Variants in TDRD12 observed in about 807,000 individuals in gnomAD.
TDRD12 encodes the protein putative ATP-dependent RNA helicase TDRD12.
A neutral mutation model predicts 133.5 loss-of-function variants in TDRD12; 158 were observed. That is an observed-to-expected ratio of 1.18 (90% confidence interval 1.04 to 1.35). The LOEUF is 1.35. Ranked by LOEUF, TDRD12 falls within the 40% of genes most tolerant of loss-of-function variation. TDRD12 has a pLI of 0.00. For missense variants in TDRD12, 1,443 were observed against 1,321.3 expected (o/e 1.09, Z -1.43); for synonymous variants, 460 against 477.9 (o/e 0.96, Z 0.49).
Position 32,777,238 on chromosome 19 carries a change from T to A in TDRD12, c.1121+9T>A. On this transcript the variant is annotated intron_variant, in intron 11 of 27. Coordinates refer to ENST00000444215, the Ensembl canonical transcript of TDRD12. ...AAGAATAGCTGTGTGAAGTAAGAAT[T>A]TTTTCCTTGGCCTGAATTGTGTATT... 6.7e-7 allele frequency: 1 copy of A among 1,491,312 alleles called. No individual in the cohort carries two copies. The allele number at this position is 1,491,312 out of a possible 1,614,324, so 92.4% of individuals were successfully genotyped here. A position where few individuals can be genotyped will look rare whatever the true frequency, so the allele number is the denominator to read the frequency against.
chr19:32,746,748 G>C (rs1301155442), intron 4 of TDRD12, among the ~76,000 whole-genome samples: 8 of 146,230 alleles, frequency 5.5e-5, no homozygotes, highest in East Asian at 2.1e-4. Flanking sequence ...CTGTGTGTGA[G>C]AGAGACGGGG....
intron 11 of TDRD12, among the ~76,000 whole-genome samples, chr19:32,788,079 C>T (rs563543096): frequency 6.6e-6 from 1 of 151,868 alleles, no homozygotes; most frequent in South Asian, 2.1e-4. Context: ...AAAGTGCCTG[C>T]TCTTTTTTTA....
intron 1 of TDRD12, among the ~76,000 whole-genome samples, chr19:32,720,959 C>T (rs959623531): frequency 6.6e-6 from 1 of 151,610 alleles, no homozygotes; most frequent in Admixed American, 6.6e-5. Flanking sequence ...TCCGAATGCT[C>T]GATCACCCGG....
intron 3 of TDRD12, among the ~76,000 whole-genome samples, chr19:32,742,534 A>G (rs924413450): frequency 1.3e-5 from 2 of 152,138 alleles, no homozygotes; most frequent in African/African-American, 4.8e-5. Context: ...CTGATACACT[A>G]TCTATGTGCC....
intron 9 of TDRD12, 96 bp downstream of exon 32, chr19:32,826,845 G>C (rs1005120828): frequency 1.3e-6 from 1 of 758,562 alleles, no homozygotes; most frequent in South Asian, 7.1e-5. Context: ...TGGTGGAAGT[G>C]GACCGTTCAT....
intron 11 of TDRD12, among the ~76,000 whole-genome samples, chr19:32,781,866 G>A (rs774833840): frequency 2.6e-5 from 4 of 152,012 alleles, no homozygotes; most frequent in East Asian, 3.9e-4. Context: ...TGACTTTTTC[G>A]TTGTTCTCTT....
At chr19:32,790,636 C>A (rs1971043059) in intron 12 of TDRD12, 45 bp downstream of exon 12, 1 of 1,551,346 alleles carries the variant, frequency 6.4e-7, no homozygotes, top group South Asian at 1.2e-5. Context: ...AGAGAAAAAA[C>A]TGTTTATTCT....
At chr19:32,731,125 T>C (rs917442969) in intron 1 of TDRD12, among the ~76,000 whole-genome samples, 4 of 152,196 alleles carry the variant, frequency 2.6e-5, no homozygotes, top group Non-Finnish European at 4.4e-5. Flanking sequence ...AAGTCTGACT[T>C]TCTTCCGTGT....
At chr19:32,790,553 G>T in exon 12 of TDRD12, 1 of 1,551,864 alleles carries the variant, frequency 6.4e-7, no homozygotes. Context: ...TTTAAATCCT[G>T]ATCCTTTGAG....
chr19:32,776,086 G>A (rs551150342), intron 10 of TDRD12, among the ~76,000 whole-genome samples: 5 of 152,278 alleles, frequency 3.3e-5, no homozygotes, highest in African/African-American at 4.8e-5. Flanking sequence ...AGCTTGGGGC[G>A]AGTTGGGGCT....
At chr19:32,779,754 G>A (rs1638364505) in intron 11 of TDRD12, among the ~76,000 whole-genome samples, 1 of 152,106 alleles carries the variant, frequency 6.6e-6, no homozygotes, top group Non-Finnish European at 1.5e-5. Flanking sequence ...GTTGACCCTC[G>A]CAGCATTATT....
At chr19:32,808,908 GTTC>G (rs991479480) in intron 22 of TDRD12, among the ~76,000 whole-genome samples, 3 of 150,666 alleles carry the variant, frequency 2.0e-5, no homozygotes, top group Non-Finnish European at 4.4e-5. Flanking sequence ...TGTAGGGATG[GTTC>G]TTCTGCTCTT....
chr19:32,800,832 A>G (rs1971366767), intron 18 of TDRD12, 60 bp downstream of exon 18: 16 of 1,445,718 alleles, frequency 1.1e-5, no homozygotes, highest in Non-Finnish European at 1.5e-5. Context: ...ATCTCAAGTC[A>G]TCACAAAATT....
At position 32,780,926 on chromosome 19, in the gene TDRD12, C is replaced by A. The variant is rs112188357; in HGVS notation, c.1121+3697C>A. Among the ~76,000 whole-genome samples the A allele has an allele frequency of 7.6e-3, 1,132 of 148,394 alleles. 13 individuals carry two copies. The highest frequency in any genetic ancestry group is 0.027 in the African/African-American group (1,072 of 40,010). On this transcript the variant is annotated intron_variant, in intron 11 of 27. Coordinates refer to ENST00000444215, the Ensembl canonical transcript of TDRD12. ...TCTGCCACCATGCCTGGCTCACTTC[C>A]CTAAGTTTTTAATCTATCTTTTTTT...
intron 6 of TDRD12, among the ~76,000 whole-genome samples, chr19:32,752,323 G>A (rs1038686885): frequency 2.0e-5 from 3 of 152,070 alleles, no homozygotes; most frequent in African/African-American, 4.8e-5. Context: ...GGGATAACAG[G>A]TGCCTGCCAC....
At chr19:32,825,019 C>T (rs1490832515), downstream of TDRD12, among the ~76,000 whole-genome samples, 1 of 152,280 alleles carries the variant, frequency 6.6e-6, no homozygotes, top group African/African-American at 2.4e-5. The surrounding 1 kb of genome is among the most constrained non-coding windows in gnomAD (Gnocchi z 4.1). Context: ...CCTAGCTTCA[C>T]GGCTCTGTCT....
Position 32,756,198 on chromosome 19 carries a change from C to T in TDRD12, c.772+17C>T. On this transcript the variant is annotated intron_variant, in intron 7 of 27. Coordinates refer to ENST00000444215, the Ensembl canonical transcript of TDRD12. Reference sequence around the variant, plus strand: ...GAATGGAAGGTGAGTAGATTCTCATCATATCAATTTCCCTTACATTGTTTT... The same window carrying T: ...GAATGGAAGGTGAGTAGATTCTCATTATATCAATTTCCCTTACATTGTTTT... 7.1e-7 allele frequency: 1 copy of T among 1,399,366 alleles called. No homozygotes were observed. Among genetic ancestry groups the T allele is most frequent in the Non-Finnish European group, 9.3e-7 (1 of 1,078,476 alleles). 86.7% of individuals were successfully genotyped at this position (1,399,366 alleles called of 1,614,324 possible).
At position 32,749,663 on chromosome 19, in the gene TDRD12, C is replaced by G. The variant is rs1489171931; in HGVS notation, c.497-121C>G. ...CTAACATGCTCCCCCTGGTCCTGCC[C>G]GAGGAAGACATTTGGGCACTCTTAA... On this transcript the variant is annotated intron_variant, in intron 5 of 27. Coordinates refer to ENST00000444215, the Ensembl canonical transcript of TDRD12. The G allele has an allele frequency of 4.6e-5, 32 of 695,604 alleles. 1 individual carries two copies. Among genetic ancestry groups the G allele is most frequent in the Non-Finnish European group, 7.2e-5 (30 of 419,536 alleles). 43.1% of individuals were successfully genotyped at this position (695,604 alleles called of 1,614,324 possible). A position where few individuals can be genotyped will look rare whatever the true frequency, so the allele number is the denominator to read the frequency against.
chr19:32,813,911 G>A, intron 25 of TDRD12, 135 bp downstream of exon 25: 1 of 616,590 alleles, frequency 1.6e-6, no homozygotes, highest in Non-Finnish European at 2.8e-6. Flanking sequence ...AGGGAGAGGT[G>A]TTTTTCATGT....
Sources: allele counts gnomAD v4.1 joint callset (sites outside exome capture counted in the v4.1 genomes callset), GRCh38; gene constraint gnomAD v4.1.1; non-coding constraint Gnocchi (gnomAD v3.1); transcripts MANE v1.5; gene names NCBI Gene and HGNC (gene_info 2026-07-23, HGNC 2026-07-21).